RNMT: variants seen among roughly 807,000 people sequenced by gnomAD.
RNMT encodes RNA guanine-7 methyltransferase.
A neutral mutation model predicts 56.0 loss-of-function variants in RNMT; 27 were observed. That is an observed-to-expected ratio of 0.48 (90% CI 0.36 to 0.67). The LOEUF (loss-of-function observed/expected upper bound fraction) is 0.67. Among genes scored for constraint, RNMT ranks in the 30% least tolerant of loss-of-function variants. The pLI is 0.00. For missense variants in RNMT, 519 were observed against 552.1 expected (o/e 0.94, Z 0.60); for synonymous variants, 184 against 176.2 (o/e 1.04, Z -0.35).
intron 11 of RNMT, among the ~76,000 whole-genome samples, chr18:13,757,273 G>A (rs1011993910): frequency 6.6e-6 from 1 of 152,026 alleles, no homozygotes; most frequent in African/African-American, 2.4e-5. Context: ...GATTGGTGTG[G>A]CTGTGGCAGT....
At chr18:13,727,509 A>G (rs576984666) in intron 1 of RNMT, among the ~76,000 whole-genome samples, 1 of 152,368 alleles carries the variant, frequency 6.6e-6, no homozygotes, top group African/African-American at 2.4e-5. Flanking sequence ...TTGCAGGTGC[A>G]GGTGATACTT....
chr18:13,743,645 TAAATGTAGGCCATGTC>T (rs2044296216), intron 8 of RNMT, among the ~76,000 whole-genome samples: 1 of 152,086 alleles, frequency 6.6e-6, no homozygotes. Context: ...AAAGTCAGCT[TAAATGTAGGCCATGTC>T]ATGATTGATT....
chr18:13,736,386 G>C (rs945423939), intron 4 of RNMT, among the ~76,000 whole-genome samples: 1 of 152,074 alleles, frequency 6.6e-6, no homozygotes, highest in Non-Finnish European at 1.5e-5. Flanking sequence ...TGAACAATTT[G>C]CCTATTGATG....
chr18:13,762,773 CTCTT>C lies in RNMT; in HGVS notation c.*2796_*2799del. 1 of 281,506 alleles carries C rather than the reference CTCTT, an allele frequency of 3.6e-6. No individual in the cohort carries two copies. Among genetic ancestry groups the C allele is most frequent in the Non-Finnish European group, 7.1e-6 (1 of 141,470 alleles). The allele number at this position is 281,506 out of a possible 1,614,324, so 17.4% of individuals were successfully genotyped here. On this transcript the variant is annotated 3_prime_UTR_variant, in exon 12 of 12. Coordinates refer to ENST00000383314, the MANE Select transcript of RNMT (RefSeq NM_003799.3). ...GGCCAGGTATCCAGTTTTGTTAACT[CTCTT>C]TGGGAATTTCTTTTTCAGCCTGTTT...
rs1353078026 is a variant in RNMT, at chr18:13,741,540, C to G, written c.823C>G (p.Gln275Glu). The change falls in exon 7 of 12, where the codon CAA (glutamine) becomes GAA (glutamate). Residue 275 changes from glutamine to glutamate, a missense_variant. Physicochemically the swap from Gln to Glu is conservative, Grantham distance 29 (BLOSUM62 2). Coordinates refer to ENST00000383314, the MANE Select transcript of RNMT (RefSeq NM_003799.3). ...TCTGATTGACAAATTTCGTGACCCA[C>G]AAATGTGTTTTGACATCTGCAGTTG... ...ELLIDKFRDP[Q>E]MCFDICSCQF... The G allele has an allele frequency of 6.2e-7, 1 of 1,612,878 alleles. No homozygotes were observed. The highest frequency in any genetic ancestry group is 2.2e-5 in the East Asian group (1 of 44,834).
intron 11 of RNMT, among the ~76,000 whole-genome samples, chr18:13,758,427 C>A (rs995150586): frequency 2.0e-5 from 3 of 152,246 alleles, no homozygotes; most frequent in Non-Finnish European, 4.4e-5. Context: ...GATGCAGCTT[C>A]TACATCAGCA....
In RNMT at chr18:13,755,473, G is replaced by A. The variant is rs183167906; in HGVS notation, c.1393+1326G>A. Among the ~76,000 whole-genome samples the A allele has an allele frequency of 5.3e-5, 8 of 152,326 alleles. 1 individual carries two copies. Among genetic ancestry groups the A allele is most frequent in the East Asian group, 1.9e-4 (1 of 5,190 alleles). On this transcript the variant is annotated intron_variant, in intron 11 of 11. Coordinates refer to ENST00000383314, the MANE Select transcript of RNMT (RefSeq NM_003799.3). ...ATGAGAAGACTAACAACTTAGCTAA[G>A]ATCACAGAGCTAACCTGTGGTTAGC...
chr18:13,750,800 CA>C (rs1393999315), intron 9 of RNMT, among the ~76,000 whole-genome samples: 9 of 143,106 alleles, frequency 6.3e-5, no homozygotes, highest in East Asian at 6.1e-4. Context: ...GACTCTGTCT[CA>C]AAAAAAAAAG....
rs767325569 is a variant in RNMT at position 13,731,749 on chromosome 18, C to T, written c.232C>T (p.Pro78Ser). Residue 78 changes from proline to serine, a missense_variant, in exon 3 of 12, where the codon CCA becomes TCA. Pro to Ser is a moderately conservative substitution (Grantham distance 74, BLOSUM62 -1). Transcript: ENST00000383314. ...KESSSCGKDT[P>S]SKKRKLDPEI... The stretch of plus-strand genomic sequence containing the variant: ...AAGTTCTAGTTGTGGGAAAGACACT[C>T]CATCCAAGAAGAGAAAACTTGATCC... The T allele has an allele frequency of 9.9e-6, 16 of 1,612,936 alleles. No individual in the cohort carries two copies. Among genetic ancestry groups the T allele is most frequent in the South Asian group, 7.7e-5 (7 of 90,780 alleles).
intron 5 of RNMT, among the ~76,000 whole-genome samples, chr18:13,739,365 C>T (rs1364459171): frequency 1.3e-5 from 2 of 152,202 alleles, no homozygotes; most frequent in African/African-American, 2.4e-5. Flanking sequence ...CTGTTTTTCT[C>T]CCCCTGCATA....
chr18:13,738,709 AG>A (rs1224035135), intron 5 of RNMT, among the ~76,000 whole-genome samples: 6 of 152,250 alleles, frequency 3.9e-5, no homozygotes, highest in Non-Finnish European at 8.8e-5. Context: ...CAATCAGAAA[AG>A]TATTGGGAAG....
Position 13,741,675 on chromosome 18 carries a change from A to AT in RNMT, c.958_959insT (p.Asn320IlefsTer2), listed in dbSNP as rs1309759729. 1.2e-6 allele frequency: 2 copies of AT among 1,604,598 alleles called. No individual in the cohort carries two copies. The highest frequency in any genetic ancestry group is 1.7e-6 in the Non-Finnish European group (2 of 1,175,602). ...GGGCTATTTTATTGGTACTACTCCC[A>AT]ATAGCTTTGAATTGATGTAAGTACT... is the stretch of plus-strand genomic sequence containing the variant. On this transcript the variant is annotated frameshift_variant, in exon 7 of 12. Transcript: ENST00000383314. LOFTEE classifies it high-confidence loss of function.
chr18:13,755,182 A>T (rs148257180), intron 11 of RNMT, among the ~76,000 whole-genome samples: 3 of 152,368 alleles, frequency 2.0e-5, no homozygotes. Flanking sequence ...CTAGAAGTCT[A>T]CACTGTAATG....
intron 9 of RNMT, among the ~76,000 whole-genome samples, chr18:13,750,056 G>C (rs372526330): frequency 6.6e-6 from 1 of 152,110 alleles, no homozygotes; most frequent in Non-Finnish European, 1.5e-5. Flanking sequence ...ACCGAGCCAG[G>C]CCTGATTTAC....
chr18:13,756,191 G>A (rs751339500), intron 11 of RNMT, among the ~76,000 whole-genome samples: 1 of 152,162 alleles, frequency 6.6e-6, no homozygotes, highest in Non-Finnish European at 1.5e-5. Context: ...AATTGCTATT[G>A]ATTTATTTCT....
Position 13,761,982 on chromosome 18 carries a change from C to G in RNMT, c.*2003C>G. 1 of 1,533,732 alleles carries G rather than the reference C, an allele frequency of 6.5e-7. No homozygotes were observed. The highest frequency in any genetic ancestry group is 8.7e-7 in the Non-Finnish European group (1 of 1,145,582). Reference sequence around the variant, plus strand: ...CTCCGATCACCAAGGTGGAAGGGAGCTAGTAGGACTCTTCCTTGACACACC... The same window carrying G: ...CTCCGATCACCAAGGTGGAAGGGAGGTAGTAGGACTCTTCCTTGACACACC... On this transcript the variant is annotated 3_prime_UTR_variant, in exon 12 of 12. Transcript: ENST00000383314.
Position 13,741,646 on chromosome 18 carries a change from C to G in RNMT, c.929C>G (p.Pro310Arg). Residue 310 changes from proline (P) to arginine (R), a missense_variant, in exon 7 of 12, where the codon CCT (proline) becomes CGT (arginine). Physicochemically the swap from Pro to Arg is moderately radical, Grantham distance 103. Coordinates refer to ENST00000383314, the MANE Select transcript of RNMT (RefSeq NM_003799.3). ...MLRNACERLS[P>R]GGYFIGTTPN... Reference sequence around the variant, plus strand: ...AGAAATGCGTGTGAGAGACTTAGCCCTGGGGGCTATTTTATTGGTACTACT... The same window carrying G: ...AGAAATGCGTGTGAGAGACTTAGCCGTGGGGGCTATTTTATTGGTACTACT... 6.2e-7 allele frequency: 1 copy of G among 1,613,742 alleles called. No individual in the cohort carries two copies. Among genetic ancestry groups the G allele is most frequent in the Non-Finnish European group, 8.5e-7 (1 of 1,179,828 alleles).
Position 13,754,136 on chromosome 18 carries a change from G to T in RNMT, c.1382G>T (p.Trp461Leu). ...LPLGTLSKSE[W>L]EATSIYLVFA... ...TAGGGAACCTTAAGTAAATCAGAAT[G>T]GGAAGCTACAAGTGAGTATATCATC... Residue 461 changes from tryptophan (W) to leucine (L), a missense_variant, in exon 11 of 12, where the codon TGG becomes TTG. By Grantham distance (61) the Trp-to-Leu change is moderately conservative. Coordinates refer to ENST00000383314, the MANE Select transcript of RNMT (RefSeq NM_003799.3). 1 of 1,563,654 alleles carries T rather than the reference G, an allele frequency of 6.4e-7. No homozygotes were observed. Among genetic ancestry groups the T allele is most frequent in the African/African-American group, 1.4e-5 (1 of 73,926 alleles).
At chr18:13,733,882 A>G (rs897445937) in intron 3 of RNMT, among the ~76,000 whole-genome samples, 3 of 152,202 alleles carry the variant, frequency 2.0e-5, no homozygotes, top group East Asian at 1.9e-4. Flanking sequence ...AAATATCACA[A>G]TGAAAATTTT....
Sources: gnomAD v4.1 joint callset for allele counts (sites outside exome capture counted in the v4.1 genomes callset) on GRCh38, gnomAD v4.1.1 for gene constraint, MANE v1.5 for transcripts, NCBI Gene and HGNC (gene_info 2026-07-23, HGNC 2026-07-21) for gene names.